Variants in CLASP2 observed in about 807,000 individuals in gnomAD.
CLASP2 encodes the protein cytoplasmic linker associated protein 2, also known as CLIP-associating protein 2.
CLASP2 carries 47 observed loss-of-function variants against 194.4 expected under a neutral mutation model. That is an observed-to-expected ratio of 0.24 (90% confidence interval 0.19 to 0.31). CLASP2 has a LOEUF of 0.31. Among genes scored for constraint, CLASP2 ranks in the 10% least tolerant of loss-of-function variants. CLASP2 has a pLI of 1.00. For synonymous variants in CLASP2, 619 were observed against 633.5 expected (o/e 0.98, Z 0.34); for missense variants, 1,445 against 1,823.6 (o/e 0.79, Z 3.78).
chr3:33,614,134 G>A (rs866071173), intron 12 of CLASP2, among the ~76,000 whole-genome samples: 2 of 152,260 alleles, frequency 1.3e-5, no homozygotes. Flanking sequence ...AAGAAAAACA[G>A]GGGTAATATT....
chr3:33,581,803 A>G lies in CLASP2; in HGVS notation c.2347+18T>C. Reference sequence around the variant, plus strand: ...ACCATGGATAAGCAATGCACATAACACCTGCCCGAATACGTACCGAGGGGC... The same window carrying G: ...ACCATGGATAAGCAATGCACATAACGCCTGCCCGAATACGTACCGAGGGGC... On this transcript the variant is annotated intron_variant, in intron 23 of 38. Transcript: ENST00000682230. 4 of 1,577,194 alleles carry G rather than the reference A, an allele frequency of 2.5e-6. No homozygotes were observed. Among genetic ancestry groups the G allele is most frequent in the Non-Finnish European group, 2.6e-6 (3 of 1,148,418 alleles).
At chr3:33,507,385 T>C (rs2048560002) in intron 37 of CLASP2, among the ~76,000 whole-genome samples, 2 of 152,266 alleles carry the variant, frequency 1.3e-5, no homozygotes, top group Admixed American at 1.3e-4. Context: ...TAAGGTACAA[T>C]TTAACATGCT....
chr3:33,553,115 A>G (rs2060320526), intron 29 of CLASP2, among the ~76,000 whole-genome samples: 1 of 152,158 alleles, frequency 6.6e-6, no homozygotes, highest in African/African-American at 2.4e-5. Context: ...TTCCCTTACT[A>G]TCGACTTTAA....
intron 7 of CLASP2, among the ~76,000 whole-genome samples, chr3:33,662,772 G>C (rs972893632): frequency 6.6e-6 from 1 of 152,048 alleles, no homozygotes; most frequent in Non-Finnish European, 1.5e-5. Flanking sequence ...TTTGGAAATA[G>C]AATATATTCT....
At chr3:33,710,763 C>T (rs543344400) in intron 1 of CLASP2, among the ~76,000 whole-genome samples, 2 of 152,010 alleles carry the variant, frequency 1.3e-5, no homozygotes, top group African/African-American at 2.4e-5. Context: ...GGTGAAACCC[C>T]GTCTCTACTA....
Position 33,516,937 on chromosome 3 carries a change from G to A in CLASP2, c.3981+44C>T, listed in dbSNP as rs185914650. ...CATTAGATTAACAGGCAATGTAAAA[G>A]AGACAGGAAGGAAAGGCTACTGTTT... On this transcript the variant is annotated intron_variant, in intron 35 of 38. Coordinates refer to ENST00000682230, the MANE Select transcript of CLASP2 (RefSeq NM_001365631.1). 436 of 1,504,996 alleles carry A rather than the reference G, an allele frequency of 2.9e-4. 3 individuals carry two copies. The Admixed American group carries it at 7.2e-3, about 25-fold the overall frequency. 93.2% of individuals were successfully genotyped at this position (1,504,996 alleles called of 1,614,324 possible). A position where few individuals can be genotyped will look rare whatever the true frequency, so the allele number is the denominator to read the frequency against.
At chr3:33,525,869 T>C (rs1465045223) in intron 34 of CLASP2, among the ~76,000 whole-genome samples, 3 of 152,206 alleles carry the variant, frequency 2.0e-5, no homozygotes, top group Admixed American at 1.3e-4. Context: ...ACCCACTGGC[T>C]TGGAATTCCA....
intron 24 of CLASP2, among the ~76,000 whole-genome samples, chr3:33,575,814 T>C (rs1286282709): frequency 6.6e-6 from 1 of 152,078 alleles, no homozygotes; most frequent in Non-Finnish European, 1.5e-5. Context: ...CAAAGTAAAA[T>C]AATTCCTAAA....
At chr3:33,594,513 T>C (rs934534006) in intron 20 of CLASP2, among the ~76,000 whole-genome samples, 2 of 151,972 alleles carry the variant, frequency 1.3e-5, no homozygotes, top group Admixed American at 6.6e-5. Context: ...GTAGAAGACA[T>C]ATTTAAAAGC....
chr3:33,586,385 G>C (rs989998114), intron 21 of CLASP2, among the ~76,000 whole-genome samples: 9 of 151,958 alleles, frequency 5.9e-5, no homozygotes, highest in Non-Finnish European at 1.2e-4. Context: ...TGCCTGCCTC[G>C]GCCTACCAAA....
chr3:33,687,923 G>A (rs1017197217), intron 4 of CLASP2, among the ~76,000 whole-genome samples: 1 of 152,126 alleles, frequency 6.6e-6, no homozygotes, highest in Non-Finnish European at 1.5e-5. Context: ...GTGGGGATGG[G>A]AAATGACTAT....
chr3:33,638,395 C>A (rs765943502), intron 8 of CLASP2, among the ~76,000 whole-genome samples: 1 of 152,168 alleles, frequency 6.6e-6, no homozygotes. Flanking sequence ...AGCTCCACCT[C>A]CCGGGTTCAT....
intron 18 of CLASP2, among the ~76,000 whole-genome samples, chr3:33,599,582 G>C (rs565401047): frequency 6.6e-6 from 1 of 152,274 alleles, no homozygotes; most frequent in Non-Finnish European, 1.5e-5. Flanking sequence ...ATTCAGTATA[G>C]AAGCATATAC....
chr3:33,693,295 A>C (rs1284861939), intron 2 of CLASP2, among the ~76,000 whole-genome samples: 1 of 152,172 alleles, frequency 6.6e-6, no homozygotes, highest in Non-Finnish European at 1.5e-5. Flanking sequence ...TTTTAACGTA[A>C]AAGAATATTA....
intron 9 of CLASP2, among the ~76,000 whole-genome samples, chr3:33,627,659 G>A (rs1323910930): frequency 2.0e-5 from 3 of 152,074 alleles, no homozygotes; most frequent in Non-Finnish European, 2.9e-5. Context: ...GATAGACGTG[G>A]TCTTTGCCTT....
intron 2 of CLASP2, among the ~76,000 whole-genome samples, chr3:33,695,695 T>C (rs1172038583): frequency 6.6e-6 from 1 of 152,028 alleles, no homozygotes; most frequent in Non-Finnish European, 1.5e-5. Context: ...ATGCTAACAC[T>C]TTGGGAGGCC....
intron 8 of CLASP2, among the ~76,000 whole-genome samples, chr3:33,643,658 C>G (rs539040639): frequency 1.3e-5 from 2 of 151,634 alleles, no homozygotes; most frequent in African/African-American, 4.8e-5. Context: ...TATATCACAC[C>G]ATCTTTATTG....
chr3:33,571,407 T>C (rs965760313), intron 25 of CLASP2, among the ~76,000 whole-genome samples: 13 of 151,518 alleles, frequency 8.6e-5, no homozygotes, highest in Non-Finnish European at 2.9e-5. Context: ...GGTGGGCAGA[T>C]CACTGGAGGT....
intron 29 of CLASP2, among the ~76,000 whole-genome samples, chr3:33,553,671 T>A (rs1282078959): frequency 6.6e-6 from 1 of 152,194 alleles, no homozygotes; most frequent in Non-Finnish European, 1.5e-5. Context: ...CTCACACCTG[T>A]TAGAATGACT....
Sources: allele counts gnomAD v4.1 joint callset (sites outside exome capture counted in the v4.1 genomes callset), GRCh38; gene constraint gnomAD v4.1.1; transcripts MANE v1.5; gene names NCBI Gene and HGNC (gene_info 2026-07-23, HGNC 2026-07-21).